The following KRTAP29-1 variants were observed in gnomAD, a reference collection of about 807,000 sequenced individuals.
KRTAP29-1 encodes the protein keratin-associated protein 29-1.
For synonymous variants in KRTAP29-1, 142 were observed against 153.6 expected (o/e 0.92, Z 0.56); for missense variants, 419 against 412.1 (o/e 1.02, Z -0.14).
rs2016844919 is a variant in KRTAP29-1 at position 41,302,445 on chromosome 17, C to T, written c.407G>A (p.Cys136Tyr). The change falls in exon 1 of 1, where the codon TGC (cysteine) becomes TAC (tyrosine). Residue 136 changes from cysteine (C) to tyrosine (Y), a missense_variant. Cys to Tyr is a radical substitution (Grantham distance 194, BLOSUM62 -2). Coordinates refer to ENST00000391353, the MANE Select transcript of KRTAP29-1 (RefSeq NM_001257309.1). ...CQQSSCQESV[C>Y]MSGSCQAACG... Reference sequence around the variant, plus strand: ...AGCTGCCTGACATGATCCAGACATGCAGACAGATTCCTGGCAGGAGCTTTG... The same window carrying T: ...AGCTGCCTGACATGATCCAGACATGTAGACAGATTCCTGGCAGGAGCTTTG... 1 of 1,550,512 alleles carries T rather than the reference C, an allele frequency of 6.4e-7. No homozygotes were observed. Among genetic ancestry groups the T allele is most frequent in the Non-Finnish European group, 8.7e-7 (1 of 1,147,016 alleles).
Position 41,302,393 on chromosome 17 carries a change from A to G in KRTAP29-1, c.459T>C (p.Ala153=), listed in dbSNP as rs1174733664. ...AACGQSVCCD[A]GSCQPSCSEV... ...CAGAGCAGGATGGCTGGCAGGATCC[A>G]GCATCACAGCAGACTGATTGGCCAC... is the stretch of plus-strand genomic sequence containing the variant. Residue 153 remains alanine, a synonymous_variant, in exon 1 of 1, where the codon GCT becomes GCC. Transcript: ENST00000391353. The G allele has an allele frequency of 5.2e-6, 8 of 1,550,622 alleles. No individual in the cohort carries two copies. The highest frequency in any genetic ancestry group is 6.1e-6 in the Non-Finnish European group (7 of 1,146,994).
In KRTAP29-1 at chr17:41,302,327, G is replaced by A. The variant is rs1270158316; in HGVS notation, c.525C>T (p.Ile175=). 1.9e-6 allele frequency: 2 copies of A among 1,064,216 alleles called. No individual in the cohort carries two copies. The highest frequency in any genetic ancestry group is 5.1e-5 in the Admixed American group (2 of 39,480). The allele number at this position is 1,064,216 out of a possible 1,614,324, so 65.9% of individuals were successfully genotyped here. A position where few individuals can be genotyped will look rare whatever the true frequency, so the allele number is the denominator to read the frequency against. Residue 175 remains isoleucine, a synonymous_variant, in exon 1 of 1, where the codon ATC becomes ATT. Transcript: ENST00000391353. ...TTGGTTGGCATGGACTAGCTGTACA[G>A]ATGGTTGGTAGGCAAGAAGTTTCCG... ...SCPETSCLPT[I]CTASPCQPTW...
chr17:41,302,355 C>T lies in KRTAP29-1; in HGVS notation c.497G>A (p.Cys166Tyr). Residue 166 changes from cysteine to tyrosine, a missense_variant, in exon 1 of 1, where the codon TGT becomes TAT. Transcript: ENST00000391353. ...CQPSCSEVTSCPETSCLPTIC... is the reference protein window; with the variant it reads ...CQPSCSEVTSYPETSCLPTIC... ...GGTTGGTAGGCAAGAAGTTTCCGGACAGGAGGTCACTTCAGAGCAGGATGG... is the reference window on the plus strand; with the variant it reads ...GGTTGGTAGGCAAGAAGTTTCCGGATAGGAGGTCACTTCAGAGCAGGATGG... The T allele has an allele frequency of 6.4e-7, 1 of 1,550,536 alleles. No individual in the cohort carries two copies. The highest frequency in any genetic ancestry group is 8.7e-7 in the Non-Finnish European group (1 of 1,146,972).
Position 41,302,804 on chromosome 17 carries a change from C to T in KRTAP29-1, c.48G>A (p.Val16=), listed in dbSNP as rs746796089. 31 of 1,550,548 alleles carry T rather than the reference C, an allele frequency of 2.0e-5. No homozygotes were observed. Among genetic ancestry groups the T allele is most frequent in the Non-Finnish European group, 2.7e-5 (31 of 1,146,980 alleles). The part of the protein sequence containing the change: ...CPGNTTAIPA[V]PTITTYPVKG... The stretch of plus-strand genomic sequence containing the variant: ...TAACTGGGTATGTGGTGATGGTGGG[C>T]ACAGCTGGAATGGCTGTGGTGTTTC... Residue 16 remains valine, a synonymous_variant, in exon 1 of 1, where the codon GTG becomes GTA. Transcript: ENST00000391353.
rs368054206 is a variant in KRTAP29-1 at position 41,302,654 on chromosome 17, C to A, written c.198G>T (p.Ser66=). Residue 66 remains serine (S), a synonymous_variant, in exon 1 of 1, where the codon TCG becomes TCT. Transcript: ENST00000391353. ...TTGCTGGAAGGCGGGTAGGTTGACA[C>A]GAAGCAGGATCACAGCCACTTGGGG... ...IGAPSGCDPA[S]CQPTRLPATS... The A allele has an allele frequency of 6.4e-7, 1 of 1,550,510 alleles. No individual in the cohort carries two copies. Among genetic ancestry groups the A allele is most frequent in the Admixed American group, 2.0e-5 (1 of 50,988 alleles).
Position 41,302,847 on chromosome 17 carries a change from G to C in KRTAP29-1, c.5C>G (p.Ala2Gly). The C allele has an allele frequency of 6.5e-7, 1 of 1,545,816 alleles. No homozygotes were observed. The highest frequency in any genetic ancestry group is 8.7e-7 in the Non-Finnish European group (1 of 1,143,684). Reference protein sequence around the residue: MADGCCPGNTTA... With the variant: MGDGCCPGNTTA... ...GGTGTTTCCAGGACAACAGCCGTCTGCCATGGTGCTGGTGCTGACCTTGCT... is the reference window on the plus strand; with the variant it reads ...GGTGTTTCCAGGACAACAGCCGTCTCCCATGGTGCTGGTGCTGACCTTGCT... Residue 2 changes from alanine (A) to glycine (G), a missense_variant, in exon 1 of 1, where the codon GCA becomes GGA. Coordinates refer to ENST00000391353, the MANE Select transcript of KRTAP29-1 (RefSeq NM_001257309.1).
rs749474229 is a variant in KRTAP29-1, at chr17:41,302,304, G to T, written c.548C>A (p.Pro183Gln). 55 of 1,550,412 alleles carry T rather than the reference G, an allele frequency of 3.5e-5. No homozygotes were observed. The South Asian group carries it at 5.4e-4, about 15-fold the overall frequency. ...PTICTASPCQ[P>Q]TWCQGSSCQP... ...ACATGAACTTCCTTGGCACCAAGTT[G>T]GTTGGCATGGACTAGCTGTACAGAT... The change falls in exon 1 of 1, where the codon CCA becomes CAA. Residue 183 changes from proline to glutamine, a missense_variant. By Grantham distance (76) the Pro-to-Gln change is moderately conservative. Transcript: ENST00000391353.
chr17:41,302,811 G>A lies in KRTAP29-1; in HGVS notation c.41C>T (p.Pro14Leu). 1 of 1,550,590 alleles carries A rather than the reference G, an allele frequency of 6.4e-7. No homozygotes were observed. Among genetic ancestry groups the A allele is most frequent in the Middle Eastern group, 1.7e-4 (1 of 5,988 alleles). ...GTATGTGGTGATGGTGGGCACAGCT[G>A]GAATGGCTGTGGTGTTTCCAGGACA... ...GCCPGNTTAI[P>L]AVPTITTYPV... Residue 14 changes from proline to leucine, a missense_variant, in exon 1 of 1, where the codon CCA (proline) becomes CTA (leucine). By Grantham distance (98) the Pro-to-Leu change is moderately conservative. Coordinates refer to ENST00000391353, the MANE Select transcript of KRTAP29-1 (RefSeq NM_001257309.1).
Position 41,302,382 on chromosome 17 carries a change from T to A in KRTAP29-1, c.470A>T (p.Gln157Leu), listed in dbSNP as rs1453661731. The change falls in exon 1 of 1, where the codon CAG becomes CTG. Residue 157 changes from glutamine to leucine, a missense_variant. Coordinates refer to ENST00000391353, the MANE Select transcript of KRTAP29-1 (RefSeq NM_001257309.1). The stretch of plus-strand genomic sequence containing the variant: ...GGAGGTCACTTCAGAGCAGGATGGC[T>A]GGCAGGATCCAGCATCACAGCAGAC... ...QSVCCDAGSC[Q>L]PSCSEVTSCP... 9.0e-6 allele frequency: 14 copies of A among 1,550,470 alleles called. No individual in the cohort carries two copies. The highest frequency in any genetic ancestry group is 3.3e-4 in the Middle Eastern group (2 of 6,014).
chr17:41,302,567 G>T lies in KRTAP29-1; in HGVS notation c.285C>A (p.Gly95=). 6.4e-7 allele frequency: 1 copy of T among 1,550,642 alleles called. No individual in the cohort carries two copies. The change falls in exon 1 of 1, where the codon GGC becomes GGA. Residue 95 remains glycine, a synonymous_variant. Transcript: ENST00000391353. ...MCSHAACYQS[G]TGQSPCLVSS... ...TAACCAGACAAGGAGACTGACCAGT[G>T]CCAGACTGATAGCAGGCTGCGTGGG...
At position 41,302,842 on chromosome 17, in the gene KRTAP29-1, C is replaced by T. The variant is rs752452172; in HGVS notation, c.10G>A (p.Gly4Ser). ...GCTGTGGTGTTTCCAGGACAACAGC[C>T]GTCTGCCATGGTGCTGGTGCTGACC... MAD[G>S]CCPGNTTAIP... The change falls in exon 1 of 1, where the codon GGC becomes AGC. Residue 4 changes from glycine (G) to serine (S), a missense_variant. Physicochemically the swap from Gly to Ser is moderately conservative, Grantham distance 56. Transcript: ENST00000391353. The T allele has an allele frequency of 1.4e-5, 22 of 1,546,458 alleles. No individual in the cohort carries two copies. Among genetic ancestry groups the T allele is most frequent in the South Asian group, 4.8e-5 (4 of 83,608 alleles).
Position 41,302,367 on chromosome 17 carries a change from T to A in KRTAP29-1, c.485A>T (p.Glu162Val). ...DAGSCQPSCSEVTSCPETSCL... is the reference protein window; with the variant it reads ...DAGSCQPSCSVVTSCPETSCL... ...AGAAGTTTCCGGACAGGAGGTCACT[T>A]CAGAGCAGGATGGCTGGCAGGATCC... The change falls in exon 1 of 1, where the codon GAA becomes GTA. Residue 162 changes from glutamate to valine, a missense_variant. Coordinates refer to ENST00000391353, the MANE Select transcript of KRTAP29-1 (RefSeq NM_001257309.1). The A allele has an allele frequency of 6.4e-7, 1 of 1,550,418 alleles. No homozygotes were observed. Among genetic ancestry groups the A allele is most frequent in the Admixed American group, 2.0e-5 (1 of 50,984 alleles).
In KRTAP29-1 at chr17:41,302,295, C is replaced by A. The variant is rs192256244; in HGVS notation, c.557G>T (p.Cys186Phe). 2 of 1,550,440 alleles carry A rather than the reference C, an allele frequency of 1.3e-6. No homozygotes were observed. The highest frequency in any genetic ancestry group is 2.7e-5 in the African/African-American group (2 of 73,130). The change falls in exon 1 of 1, where the codon TGC (cysteine) becomes TTC (phenylalanine). Residue 186 changes from cysteine to phenylalanine, a missense_variant. Transcript: ENST00000391353. Reference sequence around the variant, plus strand: ...GACGGGTTGACATGAACTTCCTTGGCACCAAGTTGGTTGGCATGGACTAGC... The same window carrying A: ...GACGGGTTGACATGAACTTCCTTGGAACCAAGTTGGTTGGCATGGACTAGC... ...CTASPCQPTW[C>F]QGSSCQPVSG... is the part of the protein sequence containing the mutation.
At position 41,301,961 on chromosome 17, in the gene KRTAP29-1, G is replaced by A. The variant is rs1407896872; in HGVS notation, c.891C>T (p.Ser297=). 2.6e-6 allele frequency: 4 copies of A among 1,550,636 alleles called. No individual in the cohort carries two copies. The highest frequency in any genetic ancestry group is 4.9e-5 in the East Asian group (2 of 40,924). The change falls in exon 1 of 1, where the codon TCC becomes TCT. Residue 297 remains serine, a synonymous_variant. Transcript: ENST00000391353. ...CTGATTTGCAGCCACTCTGGTTATA[G>A]GAAGGGGGTCCATCACAAGTTGGTT... ...SGQPTCDGPP[S]YNQSGCKSAC...
chr17:41,302,211 T>A lies in KRTAP29-1; in HGVS notation c.641A>T (p.Lys214Met). ...TYYQPICYIF[K>M]PCQSALYMPV... ...CATGTAGAGGGCTGATTGGCAAGGC[T>A]TGAAAATATAGCAGATGGGTTGATA... Residue 214 changes from lysine to methionine, a missense_variant, in exon 1 of 1, where the codon AAG (lysine) becomes ATG (methionine). Physicochemically the swap from Lys to Met is moderately conservative, Grantham distance 95. Transcript: ENST00000391353. The A allele has an allele frequency of 3.2e-6, 5 of 1,550,334 alleles. No homozygotes were observed. Among genetic ancestry groups the A allele is most frequent in the Non-Finnish European group, 4.4e-6 (5 of 1,146,960 alleles).
chr17:41,301,826 T>C lies in KRTAP29-1; in HGVS notation c.1026A>G (p.Ter342=). The change falls in exon 1 of 1, where the codon TAA becomes TAG. Residue 342 remains the stop codon, a stop_retained_variant. Transcript: ENST00000391353. ...CAGAGGAGGTGTGAAGAGGGCTCCA[T>C]TAACAAAGTGTTGCCTTGCAGAAGC... is the stretch of plus-strand genomic sequence containing the variant. ...ESSFCKATLC[*] 1 of 1,549,924 alleles carries C rather than the reference T, an allele frequency of 6.5e-7. No homozygotes were observed. Among genetic ancestry groups the C allele is most frequent in the Non-Finnish European group, 8.7e-7 (1 of 1,146,414 alleles).
chr17:41,302,505 C>G lies in KRTAP29-1; in HGVS notation c.347G>C (p.Cys116Ser). The stretch of plus-strand genomic sequence containing the variant: ...ACTGGCATCGCAGCACTTTTCCTGA[C>G]AACAAGTAGATTCCGAGCAGGATGG... ...CQPSCSESTC[C>S]QEKCCDASPC... The change falls in exon 1 of 1, where the codon TGT becomes TCT. Residue 116 changes from cysteine (C) to serine (S), a missense_variant. Physicochemically the swap from Cys to Ser is moderately radical, Grantham distance 112. Coordinates refer to ENST00000391353, the MANE Select transcript of KRTAP29-1 (RefSeq NM_001257309.1). 1 of 1,550,490 alleles carries G rather than the reference C, an allele frequency of 6.4e-7. No individual in the cohort carries two copies. The highest frequency in any genetic ancestry group is 8.7e-7 in the Non-Finnish European group (1 of 1,146,966).
rs117847625 is a variant in KRTAP29-1, at chr17:41,302,520, G to A, written c.332C>T (p.Ser111Leu). The A allele has an allele frequency of 0.048, 74,495 of 1,550,474 alleles. 2,075 individuals carry two copies. The highest frequency in any genetic ancestry group is 0.057 in the Non-Finnish European group (65,630 of 1,146,930). Residue 111 changes from serine to leucine, a missense_variant, in exon 1 of 1, where the codon TCG (serine) becomes TTG (leucine). Ser to Leu is a moderately radical substitution (Grantham distance 145). Transcript: ENST00000391353. The stretch of plus-strand genomic sequence containing the variant: ...CTTTTCCTGACAACAAGTAGATTCC[G>A]AGCAGGATGGCTGACATGAGCTAAC... ...CLVSSCQPSCSESTCCQEKCC... is the reference protein window; with the variant it reads ...CLVSSCQPSCLESTCCQEKCC...
chr17:41,301,839 G>A lies in KRTAP29-1; in HGVS notation c.1013C>T (p.Ala338Val), dbSNP rs1485436748. 1.2e-5 allele frequency: 19 copies of A among 1,550,276 alleles called. No individual in the cohort carries two copies. Among genetic ancestry groups the A allele is most frequent in the Non-Finnish European group, 1.6e-5 (18 of 1,146,818 alleles). Residue 338 changes from alanine (A) to valine (V), a missense_variant, in exon 1 of 1, where the codon GCA (alanine) becomes GTA (valine). Coordinates refer to ENST00000391353, the MANE Select transcript of KRTAP29-1 (RefSeq NM_001257309.1). The part of the protein sequence containing the change: ...QPSCESSFCK[A>V]TLC ...AAGAGGGCTCCATTAACAAAGTGTTGCCTTGCAGAAGCTGGACTCACAGCT... is the reference window on the plus strand; with the variant it reads ...AAGAGGGCTCCATTAACAAAGTGTTACCTTGCAGAAGCTGGACTCACAGCT...
Sources: gnomAD v4.1 joint callset for allele counts on GRCh38, gnomAD v4.1.1 for gene constraint, MANE v1.5 for transcripts, NCBI Gene and HGNC (gene_info 2026-07-23, HGNC 2026-07-21) for gene names.